CEP170: variants seen among roughly 807,000 people sequenced by gnomAD.
CEP170 encodes the protein centrosomal protein 170.
CEP170 carries 21 observed loss-of-function variants against 151.9 expected under a neutral mutation model. The ratio of observed to expected loss-of-function variants is 0.14; its 90% CI spans 0.10 to 0.20. The LOEUF is 0.20. Ranked by LOEUF, CEP170 falls within the 10% of genes least tolerant of loss-of-function variation. The pLI, the probability that CEP170 is intolerant of heterozygous loss-of-function variation, is 1.00. For synonymous variants in CEP170, 356 were observed against 648.8 expected, an observed-to-expected ratio of 0.55 and a Z score of 6.86; for missense variants, 964 against 1,892.9, an observed-to-expected ratio of 0.51 and a Z score of 9.11.
At chr1:243,204,770 T>C (rs1235598930) in intron 4 of CEP170, among the ~76,000 whole-genome samples, 1 of 152,160 alleles carries the variant, frequency 6.6e-6, no homozygotes, top group Admixed American at 6.6e-5. Context: ...TAAATATTAT[T>C]TATATAATAA....
Position 243,164,413 on chromosome 1 carries a change from C to T in CEP170, c.3547G>A (p.Ala1183Thr), listed in dbSNP as rs1045677058. 1.3e-6 allele frequency: 2 copies of T among 1,561,436 alleles called. No homozygotes were observed. Among genetic ancestry groups the T allele is most frequent in the African/African-American group, 1.3e-5 (1 of 74,220 alleles). ...RSSASSRTAEAIIRSGARLVP... is the reference protein window; with the variant it reads ...RSSASSRTAETIIRSGARLVP... ...AGTCTGGCTCCACTTCTAATGATGG[C>T]TTCTGCGGTCCTCGAAGAGGCACTA... Residue 1183 changes from alanine to threonine, a missense_variant, in exon 13 of 20, where the codon GCC becomes ACC. Transcript: ENST00000366542.
chr1:243,249,070 G>C lies in CEP170; in HGVS notation c.-42+5970C>G, dbSNP rs556817999. Among the ~76,000 whole-genome samples the C allele has an allele frequency of 1.3e-4, 20 of 152,288 alleles. No individual in the cohort carries two copies. The South Asian group carries it at 4.1e-3, about 32-fold the overall frequency. On this transcript the variant is annotated intron_variant, in intron 1 of 19. Transcript: ENST00000366542. ...CTCAAGGTGTAGCATAGTGGATAAA[G>C]AGGCTATTTTTTTGTGTCATAGAGG...
intron 1 of CEP170, chr1:243,254,341 C>G (rs1437833703): frequency 2.0e-5 from 3 of 152,066 alleles, no homozygotes; most frequent in African/African-American, 7.3e-5. Flanking sequence ...AAAATGGAAG[C>G]GAAACGTACC....
chr1:243,229,530 T>G (rs1453424294), intron 1 of CEP170, among the ~76,000 whole-genome samples: 2 of 152,142 alleles, frequency 1.3e-5, no homozygotes, highest in Non-Finnish European at 2.9e-5. Context: ...GTGACAAATG[T>G]CATGGAATTG....
Position 243,254,822 on chromosome 1 carries a change from C to G in CEP170, c.-42+218G>C, listed in dbSNP as rs1022693593. On this transcript the variant is annotated intron_variant, in intron 1 of 19. Transcript: ENST00000366542. ...GGGTGGGGGATGGGAAGGGTGGTCC[C>G]GTCAAGCCCCGGGTCCCAGGCGGGC... Among the ~76,000 whole-genome samples the G allele has an allele frequency of 2.4e-3, 357 of 151,426 alleles. 4 individuals are homozygous for G. Among genetic ancestry groups the G allele is most frequent in the African/African-American group, 8.3e-3 (341 of 41,318 alleles).
chr1:243,215,666 T>C (rs1445658245), intron 3 of CEP170, among the ~76,000 whole-genome samples: 1 of 152,176 alleles, frequency 6.6e-6, no homozygotes, highest in African/African-American at 2.4e-5. Flanking sequence ...TGGGACATGA[T>C]ACTTCATTAG....
chr1:243,249,541 G>A (rs2065744475), intron 1 of CEP170, among the ~76,000 whole-genome samples: 1 of 151,942 alleles, frequency 6.6e-6, no homozygotes, highest in Non-Finnish European at 1.5e-5. Flanking sequence ...TAAGATGTAG[G>A]GTGAAAAGGT....
At chr1:243,129,522 T>C (rs2054123246) in intron 17 of CEP170, 69 bp from the exon 18 acceptor site, 2 of 1,049,526 alleles carry the variant, frequency 1.9e-6, no homozygotes, top group Non-Finnish European at 2.6e-6. Context: ...TTGTTAATAA[T>C]ACCAAAGCAA....
At chr1:243,156,640 G>C in intron 13 of CEP170, 185 bp from the exon 14 acceptor site, 1 of 479,946 alleles carries the variant, frequency 2.1e-6, no homozygotes, top group Non-Finnish European at 3.6e-6. Context: ...TTACACTTCG[G>C]TGAATTAAAA....
chr1:243,221,074 G>A (rs903832891), intron 3 of CEP170, among the ~76,000 whole-genome samples: 5 of 152,054 alleles, frequency 3.3e-5, no homozygotes, highest in African/African-American at 1.2e-4. Flanking sequence ...GCCCAGGCTG[G>A]AGTGCAGTGG....
At chr1:243,231,966 T>TC (rs1308454780) in intron 1 of CEP170, among the ~76,000 whole-genome samples, 5 of 151,556 alleles carry the variant, frequency 3.3e-5, no homozygotes, top group African/African-American at 1.2e-4. Context: ...TTCTTCTTCT[T>TC]TTTTTTTCTT....
intron 8 of CEP170, 137 bp from the exon 9 acceptor site, chr1:243,186,559 G>T: frequency 1.1e-6 from 1 of 892,488 alleles, no homozygotes; most frequent in Non-Finnish European, 1.6e-6. Flanking sequence ...TCAGTAACAG[G>T]CTCGGCAAAC....
At chr1:243,135,153 T>A (rs1488960757) in intron 17 of CEP170, among the ~76,000 whole-genome samples, 1 of 152,148 alleles carries the variant, frequency 6.6e-6, no homozygotes, top group Non-Finnish European at 1.5e-5. Context: ...AAATTAATAT[T>A]CTTTTAGGAG....
intron 10 of CEP170, among the ~76,000 whole-genome samples, chr1:243,175,531 T>C (rs1015534353): frequency 1.3e-5 from 2 of 152,226 alleles, no homozygotes; most frequent in African/African-American, 4.8e-5. Flanking sequence ...AACAAATATA[T>C]AAAGTTTATA....
Position 243,169,339 on chromosome 1 carries a change from A to G in CEP170, c.1843+289T>C, listed in dbSNP as rs58817976. 8.4e-3 allele frequency: 2,681 copies of G among 318,402 alleles called. 59 individuals are homozygous for G. The highest frequency in any genetic ancestry group is 0.055 in the African/African-American group (2,485 of 45,484). 19.7% of individuals were successfully genotyped at this position (318,402 alleles called of 1,614,324 possible). A position where few individuals can be genotyped will look rare whatever the true frequency, so the allele number is the denominator to read the frequency against. The stretch of plus-strand genomic sequence containing the variant: ...TACGAAGTCCACAAAATTTCTCAAA[A>G]AAGAGTTTTATCACTTTGAATTTGT... On this transcript the variant is annotated intron_variant, in intron 12 of 19. Transcript: ENST00000366542.
In CEP170 at chr1:243,156,306, G is replaced by A. The variant is rs1341270248; in HGVS notation, c.3826C>T (p.Pro1276Ser). Residue 1276 changes from proline to serine, a missense_variant, in exon 14 of 20, where the codon CCT becomes TCT. Pro to Ser is a moderately conservative substitution (Grantham distance 74). Coordinates refer to ENST00000366542, the MANE Select transcript of CEP170 (RefSeq NM_014812.3). ...TRLQSAGSAM[P>S]TSSSFKHRIK... The stretch of plus-strand genomic sequence containing the variant: ...CGGTGTTTGAATGAAGAACTAGTAG[G>A]CATTGCTGATCCAGCGCTCTGCAAG... The A allele has an allele frequency of 1.3e-6, 2 of 1,592,236 alleles. No homozygotes were observed. The highest frequency in any genetic ancestry group is 8.5e-7 in the Non-Finnish European group (1 of 1,169,686).
At chr1:243,176,618 C>T (rs765597992) in intron 10 of CEP170, 2 of 218,140 alleles carry the variant, frequency 9.2e-6, no homozygotes, top group Non-Finnish European at 1.9e-5. Flanking sequence ...GTATATTTGG[C>T]ATTTCACTTT....
chr1:243,251,728 G>A (rs1282849169), intron 1 of CEP170, among the ~76,000 whole-genome samples: 1 of 152,104 alleles, frequency 6.6e-6, no homozygotes, highest in African/African-American at 2.4e-5. Context: ...CCTCAACAAT[G>A]CATGCTTGGG....
chr1:243,152,853 A>C (rs2057237346), intron 14 of CEP170, among the ~76,000 whole-genome samples: 1 of 152,204 alleles, frequency 6.6e-6, no homozygotes, highest in African/African-American at 2.4e-5. Context: ...TAAGCAGAAA[A>C]TGTATTCCTT....
Sources: gnomAD v4.1 joint callset for allele counts (sites outside exome capture counted in the v4.1 genomes callset) on GRCh38, gnomAD v4.1.1 for gene constraint, MANE v1.5 for transcripts, NCBI Gene and HGNC (gene_info 2026-07-23, HGNC 2026-07-21) for gene names.